The following PCDH9 variants were observed in gnomAD, a reference collection of about 807,000 sequenced individuals.
The protein encoded by PCDH9 is protocadherin 9, also known as protocadherin-9.
Under a neutral mutation model 70.6 loss-of-function variants are expected in PCDH9, and 24 were observed. The ratio of observed to expected loss-of-function variants is 0.34; its 90% CI spans 0.25 to 0.48. The LOEUF (loss-of-function observed/expected upper bound fraction) is 0.48, where lower values mean the gene tolerates loss of function less well. Among genes scored for constraint, PCDH9 ranks in the 20% least tolerant of loss-of-function variants. The pLI, the probability that PCDH9 is intolerant of heterozygous loss-of-function variation, is 0.99. For missense variants in PCDH9, 1,281 were observed against 1,503.6 expected (o/e 0.85, Z 2.45); for synonymous variants, 562 against 558.5 (o/e 1.01, Z -0.09).
At chr13:67,182,981 T>C (rs1396938462) in intron 2 of PCDH9, among the ~76,000 whole-genome samples, 1 of 152,184 alleles carries the variant, frequency 6.6e-6, no homozygotes, top group African/African-American at 2.4e-5. Context: ...ATTACCTTAG[T>C]GCAATTTTCT....
chr13:66,397,004 C>A (rs1957111680), intron 4 of PCDH9, among the ~76,000 whole-genome samples: 1 of 152,052 alleles, frequency 6.6e-6, no homozygotes, highest in South Asian at 2.1e-4. Context: ...TGAATTCAGG[C>A]AGAACATCCA....
intron 4 of PCDH9, among the ~76,000 whole-genome samples, chr13:66,329,576 A>G (rs1039497076): frequency 6.6e-6 from 1 of 152,156 alleles, no homozygotes; most frequent in South Asian, 2.1e-4. Context: ...GAAGAACAAT[A>G]TGGCTCATGG....
At chr13:66,527,420 G>A (rs1960264867) in intron 4 of PCDH9, among the ~76,000 whole-genome samples, 1 of 152,030 alleles carries the variant, frequency 6.6e-6, no homozygotes, top group African/African-American at 2.4e-5. Context: ...GGTGATTAAT[G>A]TTTTCTTTCT....
intron 2 of PCDH9, among the ~76,000 whole-genome samples, chr13:66,956,751 AAAAC>A (rs1210616459): frequency 5.9e-5 from 9 of 152,188 alleles, no homozygotes; most frequent in South Asian, 2.1e-4. Flanking sequence ...ATCCATCTCA[AAAAC>A]AAACAAACAA....
rs1955412003 is a variant in PCDH9, at chr13:66,303,809, A to C, written c.*846T>G. ...TTCTGAATTTCCAAGCTTTTGCAGA[A>C]GTCCTTTTTTGTATAAAGTTTTCAT... On this transcript the variant is annotated 3_prime_UTR_variant, in exon 5 of 5. Coordinates refer to ENST00000377865, the MANE Select transcript of PCDH9 (RefSeq NM_203487.3). 1 of 152,062 alleles carries C rather than the reference A, an allele frequency of 6.6e-6. No homozygotes were observed. Among genetic ancestry groups the C allele is most frequent in the South Asian group, 2.1e-4 (1 of 4,830 alleles). The allele number at this position is 152,062 out of a possible 1,614,324, so 9.4% of individuals were successfully genotyped here.
intron 3 of PCDH9, among the ~76,000 whole-genome samples, chr13:66,791,099 T>C (rs975359067): frequency 2.0e-5 from 3 of 152,138 alleles, no homozygotes; most frequent in Admixed American, 6.5e-5. Flanking sequence ...ACTGAATTTA[T>C]TGCAAGAGTA....
intron 2 of PCDH9, among the ~76,000 whole-genome samples, chr13:66,952,932 T>C (rs1164851433): frequency 6.6e-6 from 1 of 152,204 alleles, no homozygotes; most frequent in Non-Finnish European, 1.5e-5. Flanking sequence ...GTCTCTTGGC[T>C]TCAGAAAAAT....
chr13:67,060,605 C>T (rs111495659), intron 2 of PCDH9, among the ~76,000 whole-genome samples: 2 of 152,080 alleles, frequency 1.3e-5, no homozygotes, highest in African/African-American at 4.8e-5. Context: ...CACCATAATT[C>T]TGACAATTAT....
intron 2 of PCDH9, among the ~76,000 whole-genome samples, chr13:67,146,241 C>T (rs1321032182): frequency 6.6e-6 from 1 of 152,048 alleles, no homozygotes; most frequent in Non-Finnish European, 1.5e-5. Context: ...AAAGCCCTTA[C>T]TAAGAATTTA....
At chr13:67,067,986 T>C (rs2085684688) in intron 2 of PCDH9, among the ~76,000 whole-genome samples, 1 of 152,134 alleles carries the variant, frequency 6.6e-6, no homozygotes, top group Non-Finnish European at 1.5e-5. Context: ...AGCATGTAGT[T>C]TTGATAGCTT....
intron 4 of PCDH9, among the ~76,000 whole-genome samples, chr13:66,397,137 G>T (rs1009042854): frequency 6.6e-6 from 1 of 152,004 alleles, no homozygotes; most frequent in South Asian, 2.1e-4. Flanking sequence ...TATTATTTTT[G>T]TCTGGGCACA....
At chr13:67,209,854 C>A (rs1324631694) in intron 2 of PCDH9, 1 of 151,910 alleles carries the variant, frequency 6.6e-6, no homozygotes, top group East Asian at 1.9e-4. Flanking sequence ...AATCCTAAAG[C>A]TGATTTTCCT....
intron 3 of PCDH9, among the ~76,000 whole-genome samples, chr13:66,861,162 T>C (rs954444927): frequency 6.6e-6 from 1 of 152,198 alleles, no homozygotes; most frequent in African/African-American, 2.4e-5. Flanking sequence ...ATCACCCAAA[T>C]GTACTTGAAA....
At chr13:66,606,455 C>T (rs1028601193) in intron 4 of PCDH9, among the ~76,000 whole-genome samples, 2 of 151,894 alleles carry the variant, frequency 1.3e-5, no homozygotes, top group Non-Finnish European at 2.9e-5. Context: ...GGAATAGTAC[C>T]GAGATTTTTG....
At chr13:66,818,894 A>G (rs995383915) in intron 3 of PCDH9, among the ~76,000 whole-genome samples, 57 of 151,862 alleles carry the variant, frequency 3.8e-4, no homozygotes, top group Non-Finnish European at 8.4e-4. Flanking sequence ...AGATCGCGCC[A>G]CTGCACTCCA....
At chr13:67,000,908 G>T (rs1197356630) in intron 2 of PCDH9, among the ~76,000 whole-genome samples, 2 of 152,096 alleles carry the variant, frequency 1.3e-5, no homozygotes, top group Non-Finnish European at 1.5e-5. Context: ...AAGTGCTAAA[G>T]TCATTTATAG....
At chr13:66,984,066 T>G (rs2083836948) in intron 2 of PCDH9, among the ~76,000 whole-genome samples, 1 of 152,070 alleles carries the variant, frequency 6.6e-6, no homozygotes, top group African/African-American at 2.4e-5. Context: ...AATTTATATA[T>G]CTTTTATTCA....
At chr13:66,818,290 C>A (rs968105262) in intron 3 of PCDH9, among the ~76,000 whole-genome samples, 2 of 152,034 alleles carry the variant, frequency 1.3e-5, no homozygotes, top group African/African-American at 4.8e-5. Flanking sequence ...ACTAAAAATT[C>A]CATTTTATAT....
chr13:66,356,756 A>G (rs1186623367), intron 4 of PCDH9, among the ~76,000 whole-genome samples: 1 of 152,116 alleles, frequency 6.6e-6, no homozygotes, highest in Non-Finnish European at 1.5e-5. Flanking sequence ...GAATTACTTA[A>G]CTATTGAATA....
Sources: allele counts gnomAD v4.1 joint callset (sites outside exome capture counted in the v4.1 genomes callset), GRCh38; gene constraint gnomAD v4.1.1; transcripts MANE v1.5; gene names NCBI Gene and HGNC (gene_info 2026-07-23, HGNC 2026-07-21).